Variants in SLC35F1 observed in about 807,000 individuals in gnomAD.
SLC35F1 encodes chromosome 6 open reading frame 169.
Under a neutral mutation model 48.7 loss-of-function variants are expected in SLC35F1, and 14 were observed. The observed-to-expected ratio is 0.29, with a 90% CI of 0.19 to 0.45. SLC35F1 has a LOEUF of 0.45. Ranked by LOEUF, SLC35F1 falls within the 20% of genes least tolerant of loss-of-function variation. The probability of loss-of-function intolerance (pLI) is 1.00; values close to 1 mark genes in which losing one functional copy is unlikely to be tolerated. For synonymous variants in SLC35F1, 190 were observed against 202.2 expected (o/e 0.94, Z 0.51); for missense variants, 404 against 500.0 (o/e 0.81, Z 1.83).
rs948221586 is a variant in SLC35F1, at chr6:117,907,557, C to G, written c.-170C>G. Reference sequence around the variant, plus strand: ...GGAGAGGAGTGAGTGGCGGGCTGGGCGGCGGCGGCCGTAGCCGCGGGTGCC... The same window carrying G: ...GGAGAGGAGTGAGTGGCGGGCTGGGGGGCGGCGGCCGTAGCCGCGGGTGCC... On this transcript the variant is annotated 5_prime_UTR_variant, in exon 1 of 8. Coordinates refer to ENST00000360388, the MANE Select transcript of SLC35F1 (RefSeq NM_001029858.4). 8.6e-5 allele frequency: 32 copies of G among 373,442 alleles called. No individual in the cohort carries two copies. Among genetic ancestry groups the G allele is most frequent in the Non-Finnish European group, 1.5e-4 (32 of 211,914 alleles). 23.1% of individuals were successfully genotyped at this position (373,442 alleles called of 1,614,324 possible).
chr6:117,958,594 C>T (rs968398631), intron 1 of SLC35F1, among the ~76,000 whole-genome samples: 3 of 152,062 alleles, frequency 2.0e-5, no homozygotes, highest in African/African-American at 4.8e-5. Context: ...CATTGTGTTA[C>T]GATTGCCTAC....
chr6:118,096,516 C>T lies in SLC35F1; in HGVS notation c.174-57929C>T, dbSNP rs577944943. Among the ~76,000 whole-genome samples, 93 of 152,310 alleles carry T rather than the reference C, an allele frequency of 6.1e-4. No individual in the cohort carries two copies. In the Middle Eastern group the frequency reaches 0.014, roughly 22 times the overall value. ...CGATTGGGTATTCAGTTTTGGCTGA[C>T]TACACACTGAGCAGTTCCTGGTCAT... On this transcript the variant is annotated intron_variant, in intron 1 of 7. Transcript: ENST00000360388.
At position 117,962,696 on chromosome 6, in the gene SLC35F1, C is replaced by T. The variant is rs79967840; in HGVS notation, c.173+54797C>T. Among the ~76,000 whole-genome samples, 319 of 152,322 alleles carry T rather than the reference C, an allele frequency of 2.1e-3. 2 individuals are homozygous for T. Among genetic ancestry groups the T allele is most frequent in the African/African-American group, 7.3e-3 (303 of 41,570 alleles). On this transcript the variant is annotated intron_variant, in intron 1 of 7. Transcript: ENST00000360388. ...CCCTGGAGGGCCTGCCAGCTCCCATCAGCTGCAAGACTTAGGGTACTCCTG... is the reference window on the plus strand; with the variant it reads ...CCCTGGAGGGCCTGCCAGCTCCCATTAGCTGCAAGACTTAGGGTACTCCTG...
At chr6:118,173,275 C>A (rs1288294356) in intron 2 of SLC35F1, among the ~76,000 whole-genome samples, 3 of 151,264 alleles carry the variant, frequency 2.0e-5, no homozygotes, top group Non-Finnish European at 4.4e-5. Context: ...GAAAAGAAAC[C>A]TAAATGTACA....
intron 4 of SLC35F1, among the ~76,000 whole-genome samples, chr6:118,270,563 A>G (rs1775837541): frequency 1.3e-5 from 2 of 152,228 alleles, no homozygotes; most frequent in South Asian, 4.1e-4. Context: ...ATCACCCACT[A>G]TAGGATGCTT....
At chr6:117,995,677 G>T (rs2211099) in intron 1 of SLC35F1, among the ~76,000 whole-genome samples, 2 of 151,744 alleles carry the variant, frequency 1.3e-5, no homozygotes, top group Non-Finnish European at 2.9e-5. Flanking sequence ...GGAGCTGGAA[G>T]TTGCAGTGAG....
At chr6:118,095,375 A>G (rs1773138165) in intron 1 of SLC35F1, among the ~76,000 whole-genome samples, 1 of 152,110 alleles carries the variant, frequency 6.6e-6, no homozygotes. Flanking sequence ...ACATCATTCC[A>G]TTTTCAGATT....
chr6:118,144,955 T>C (rs953915082), intron 1 of SLC35F1, among the ~76,000 whole-genome samples: 40 of 152,264 alleles, frequency 2.6e-4, no homozygotes, highest in African/African-American at 8.7e-4. Context: ...TAATAACAAA[T>C]TTGTTGCGGT....
chr6:117,970,017 AT>A (rs1372541938), intron 1 of SLC35F1, among the ~76,000 whole-genome samples: 3 of 152,226 alleles, frequency 2.0e-5, no homozygotes, highest in Admixed American at 6.5e-5. Flanking sequence ...TATTTTTAAA[AT>A]TTAACTTGTA....
chr6:117,963,019 C>T lies in SLC35F1; in HGVS notation c.173+55120C>T, dbSNP rs541244495. Among the ~76,000 whole-genome samples the T allele has an allele frequency of 5.3e-5, 8 of 152,058 alleles. No homozygotes were observed. In the South Asian group the frequency reaches 1.7e-3, roughly 32 times the overall value. On this transcript the variant is annotated intron_variant, in intron 1 of 7. Coordinates refer to ENST00000360388, the MANE Select transcript of SLC35F1 (RefSeq NM_001029858.4). ...CGGTTTCCTTATGCTGTGGTGTGTT[C>T]GTAAACCCATTGGAGGGGAGGGGGA...
At chr6:118,171,288 C>T (rs1562314098) in intron 2 of SLC35F1, among the ~76,000 whole-genome samples, 1 of 152,160 alleles carries the variant, frequency 6.6e-6, no homozygotes, top group Non-Finnish European at 1.5e-5. Context: ...ACTTTGGCCT[C>T]CCAAAGTGCT....
At chr6:118,230,210 C>T (rs559820300) in intron 2 of SLC35F1, among the ~76,000 whole-genome samples, 6 of 152,018 alleles carry the variant, frequency 3.9e-5, no homozygotes, top group South Asian at 2.1e-4. Flanking sequence ...CATAGTGGCA[C>T]GTGCCTGTAG....
At position 118,317,295 on chromosome 6, in the gene SLC35F1, A is replaced by G. The variant is rs954618128; in HGVS notation, c.*3043A>G. 6.6e-6 allele frequency: 1 copy of G among 152,196 alleles called. No homozygotes were observed. The highest frequency in any genetic ancestry group is 2.4e-5 in the African/African-American group (1 of 41,440). 9.4% of individuals were successfully genotyped at this position (152,196 alleles called of 1,614,324 possible). A position where few individuals can be genotyped will look rare whatever the true frequency, so the allele number is the denominator to read the frequency against. Reference sequence around the variant, plus strand: ...CATGACCAGGTGATCAAGCAATGGAAAAATTTGCACCACCGTGTCCCATGA... The same window carrying G: ...CATGACCAGGTGATCAAGCAATGGAGAAATTTGCACCACCGTGTCCCATGA... On this transcript the variant is annotated 3_prime_UTR_variant, in exon 8 of 8. Transcript: ENST00000360388.
chr6:117,999,535 C>T, intron 1 of SLC35F1: 1 of 801,300 alleles, frequency 1.2e-6, no homozygotes, highest in Non-Finnish European at 2.0e-6. Flanking sequence ...CTGGGGTCCT[C>T]CTGTGCTATT....
At chr6:118,150,945 C>G (rs1416027985) in intron 1 of SLC35F1, among the ~76,000 whole-genome samples, 3 of 152,132 alleles carry the variant, frequency 2.0e-5, no homozygotes, top group African/African-American at 4.8e-5. Flanking sequence ...TCTCTGTTCT[C>G]TTGGTTTTCA....
intron 1 of SLC35F1, among the ~76,000 whole-genome samples, chr6:118,062,518 A>G (rs1272507084): frequency 1.3e-5 from 2 of 152,198 alleles, no homozygotes; most frequent in Non-Finnish European, 2.9e-5. Flanking sequence ...AAATAATCCA[A>G]TTATATTAAG....
At chr6:118,053,603 A>G (rs1222372922) in intron 1 of SLC35F1, among the ~76,000 whole-genome samples, 1 of 152,158 alleles carries the variant, frequency 6.6e-6, no homozygotes, top group Non-Finnish European at 1.5e-5. Context: ...ATATAACTTA[A>G]TATTTATTTT....
intron 1 of SLC35F1, among the ~76,000 whole-genome samples, chr6:118,125,113 A>G (rs1773605172): frequency 6.6e-6 from 1 of 152,196 alleles, no homozygotes; most frequent in African/African-American, 2.4e-5. Context: ...CCGTGCTTGC[A>G]GGCATGGGTG....
chr6:118,005,509 G>A (rs1777162386), intron 1 of SLC35F1, among the ~76,000 whole-genome samples: 1 of 152,014 alleles, frequency 6.6e-6, no homozygotes, highest in Non-Finnish European at 1.5e-5. Context: ...CTAGTCTTAT[G>A]ATTTTGCCCA....
Sources: allele counts gnomAD v4.1 joint callset (sites outside exome capture counted in the v4.1 genomes callset), GRCh38; gene constraint gnomAD v4.1.1; transcripts MANE v1.5; gene names NCBI Gene and HGNC (gene_info 2026-07-23, HGNC 2026-07-21).